TBC1D32: variants seen among roughly 807,000 people sequenced by gnomAD.
TBC1D32 encodes protein broad-minded.
TBC1D32 carries 151 observed loss-of-function variants against 170.3 expected under a neutral mutation model. The ratio of observed to expected loss-of-function variants is 0.89; its 90% CI spans 0.78 to 1.01. The LOEUF (loss-of-function observed/expected upper bound fraction) is 1.01. TBC1D32 is among the 50% of genes least tolerant of loss of function. TBC1D32 has a pLI of 0.00. For missense variants in TBC1D32, 1,464 were observed against 1,457.1 expected (o/e 1.00, Z -0.08); for synonymous variants, 498 against 488.0 (o/e 1.02, Z -0.27).
chr6:121,307,897 C>A, intron 5 of TBC1D32, 79 bp downstream of exon 5: 1 of 1,448,650 alleles, frequency 6.9e-7, no homozygotes, highest in Non-Finnish European at 9.3e-7. Flanking sequence ...AGAAAACTAT[C>A]GTAACTATCA....
chr6:121,145,437 T>C (rs1295451676), intron 24 of TBC1D32, among the ~76,000 whole-genome samples: 2 of 151,908 alleles, frequency 1.3e-5, no homozygotes, highest in Non-Finnish European at 2.9e-5. Context: ...AAATGGGGCA[T>C]AGAATGGTTA....
intron 1 of TBC1D32, among the ~76,000 whole-genome samples, chr6:121,327,026 C>T (rs1231325255): frequency 6.6e-6 from 1 of 152,000 alleles, no homozygotes; most frequent in Non-Finnish European, 1.5e-5. Context: ...TGGCAACACC[C>T]CATAAAATAC....
intron 15 of TBC1D32, among the ~76,000 whole-genome samples, chr6:121,265,474 G>T (rs888190134): frequency 1.6e-4 from 25 of 151,806 alleles, no homozygotes; most frequent in Non-Finnish European, 1.5e-4. Context: ...TTGTGAAAAT[G>T]GCCATACTGC....
chr6:121,187,717 G>A (rs192447490), intron 22 of TBC1D32, among the ~76,000 whole-genome samples: 1 of 141,278 alleles, frequency 7.1e-6, no homozygotes, highest in African/African-American at 2.8e-5. Flanking sequence ...CCAGGATGAT[G>A]ATGAAGGGAA....
intron 1 of TBC1D32, among the ~76,000 whole-genome samples, chr6:121,333,983 C>T (rs1811537352): frequency 6.6e-6 from 1 of 152,156 alleles, no homozygotes; most frequent in Non-Finnish European, 1.5e-5. Context: ...TGGAGAATCG[C>T]TTGAACCCGG....
chr6:121,237,670 GT>G (rs1284452743), intron 20 of TBC1D32, among the ~76,000 whole-genome samples: 3 of 151,352 alleles, frequency 2.0e-5, no homozygotes, highest in African/African-American at 4.8e-5. Flanking sequence ...TTTCATGTAA[GT>G]TTTTTTTAAT....
intron 1 of TBC1D32, among the ~76,000 whole-genome samples, chr6:121,322,516 G>A (rs946128737): frequency 1.8e-4 from 27 of 152,132 alleles, no homozygotes; most frequent in African/African-American, 6.3e-4. Context: ...GTTACCTTCT[G>A]ATAAAAGCTT....
At chr6:121,108,398 A>T (rs1778899212) in intron 29 of TBC1D32, among the ~76,000 whole-genome samples, 1 of 152,090 alleles carries the variant, frequency 6.6e-6, no homozygotes, top group African/African-American at 2.4e-5. Context: ...AAAGACAGTC[A>T]CCACTCTCTG....
chr6:121,293,740 T>C (rs988014999), intron 11 of TBC1D32, among the ~76,000 whole-genome samples: 1 of 151,962 alleles, frequency 6.6e-6, no homozygotes, highest in African/African-American at 2.4e-5. Context: ...TGAAACCCCA[T>C]CTCTACTAAA....
chr6:121,156,367 T>C (rs1441774339), intron 24 of TBC1D32, among the ~76,000 whole-genome samples: 1 of 151,942 alleles, frequency 6.6e-6, no homozygotes, highest in East Asian at 1.9e-4. Context: ...TGTAATGTCA[T>C]TTTTGTCATT....
At chr6:121,185,543 G>A (rs934646433) in intron 22 of TBC1D32, among the ~76,000 whole-genome samples, 14 of 152,094 alleles carry the variant, frequency 9.2e-5, no homozygotes, top group Non-Finnish European at 2.1e-4. Flanking sequence ...TCTGACTACA[G>A]CTATTACTGA....
intron 24 of TBC1D32, among the ~76,000 whole-genome samples, chr6:121,148,590 C>T (rs190435140): frequency 2.8e-4 from 43 of 152,156 alleles, no homozygotes; most frequent in African/African-American, 1.0e-3. Flanking sequence ...GAAGTTTACA[C>T]TGTGACCAAC....
chr6:121,183,931 C>T lies in TBC1D32; in HGVS notation c.2570+21144G>A, dbSNP rs118093520. Among the ~76,000 whole-genome samples, 341 of 152,150 alleles carry T rather than the reference C, an allele frequency of 2.2e-3. 2 individuals carry two copies. Among genetic ancestry groups the T allele is most frequent in the Non-Finnish European group, 4.2e-3 (283 of 67,972 alleles). On this transcript the variant is annotated intron_variant, in intron 22 of 31. Coordinates refer to ENST00000398212, the MANE Select transcript of TBC1D32 (RefSeq NM_152730.6). ...CACACTATGTGCTTCAGGGAACAAA[C>T]TTCCCATATACACCACAGAAGCTGG...
chr6:121,093,177 A>C (rs1424327159), intron 30 of TBC1D32, among the ~76,000 whole-genome samples: 1 of 152,150 alleles, frequency 6.6e-6, no homozygotes, highest in Non-Finnish European at 1.5e-5. Flanking sequence ...AATTAATAGG[A>C]TGCATCTCCC....
At chr6:121,215,019 G>A (rs924880405) in intron 21 of TBC1D32, among the ~76,000 whole-genome samples, 4 of 152,270 alleles carry the variant, frequency 2.6e-5, no homozygotes, top group Admixed American at 2.0e-4. Context: ...CCTCTCCACA[G>A]GCAGGTCATC....
chr6:121,100,850 AAAG>A (rs1278314651), intron 30 of TBC1D32, among the ~76,000 whole-genome samples: 1 of 152,056 alleles, frequency 6.6e-6, no homozygotes, highest in Non-Finnish European at 1.5e-5. Flanking sequence ...CCAGACTAAT[AAAG>A]AAGGAAAGAG....
chr6:121,115,405 G>A, intron 26 of TBC1D32, 164 bp from the exon 27 acceptor site: 1 of 458,754 alleles, frequency 2.2e-6, no homozygotes, highest in East Asian at 3.5e-5. Context: ...ATTTTCAAAG[G>A]AATTAACAGA....
At chr6:121,180,499 A>G (rs1263866565) in intron 22 of TBC1D32, among the ~76,000 whole-genome samples, 1 of 152,162 alleles carries the variant, frequency 6.6e-6, no homozygotes, top group Non-Finnish European at 1.5e-5. Flanking sequence ...ACAGTGGGGA[A>G]GAAACACTCT....
chr6:121,241,096 C>A (rs1050063257), intron 19 of TBC1D32, among the ~76,000 whole-genome samples: 10 of 151,958 alleles, frequency 6.6e-5, no homozygotes, highest in Non-Finnish European at 1.2e-4. Flanking sequence ...AAGCCACTGA[C>A]AATAAGCATT....
Sources: gnomAD v4.1 joint callset for allele counts (sites outside exome capture counted in the v4.1 genomes callset) on GRCh38, gnomAD v4.1.1 for gene constraint, MANE v1.5 for transcripts, NCBI Gene and HGNC (gene_info 2026-07-23, HGNC 2026-07-21) for gene names.